PLA2G4A: variants seen among roughly 807,000 people sequenced by gnomAD.
PLA2G4A encodes phospholipase A2 group IVA.
A neutral mutation model predicts 81.9 loss-of-function variants in PLA2G4A; 40 were observed. That is an observed-to-expected ratio of 0.49 (90% confidence interval 0.38 to 0.64). The LOEUF (loss-of-function observed/expected upper bound fraction) is 0.64, where lower values mean the gene tolerates loss of function less well. Ranked by LOEUF, PLA2G4A falls within the 30% of genes least tolerant of loss-of-function variation. PLA2G4A has a pLI of 0.00. For synonymous variants in PLA2G4A, 302 were observed against 296.9 expected (o/e 1.02, Z -0.18); for missense variants, 715 against 905.1 (o/e 0.79, Z 2.69).
chr1:186,904,635 T>C (rs1490069748), intron 5 of PLA2G4A, among the ~76,000 whole-genome samples: 1 of 152,210 alleles, frequency 6.6e-6, no homozygotes, highest in Admixed American at 6.5e-5. Context: ...GCCTGTAACA[T>C]TCAAAATGGC....
chr1:186,934,527 T>G (rs1206111441), intron 8 of PLA2G4A, among the ~76,000 whole-genome samples: 3 of 148,822 alleles, frequency 2.0e-5, no homozygotes, highest in Non-Finnish European at 4.5e-5. Context: ...TACAGAGAGA[T>G]TAATTAAAAG....
intron 4 of PLA2G4A, among the ~76,000 whole-genome samples, 177 bp from the exon 5 acceptor site, chr1:186,893,918 CAAA>C (rs35114616): frequency 2.5e-4 from 29 of 118,222 alleles, no homozygotes; most frequent in South Asian, 2.7e-4. Context: ...GACCCTGTCT[CAAA>C]AAAAAAAAAA....
At chr1:186,890,298 T>C (rs1220367135) in intron 3 of PLA2G4A, among the ~76,000 whole-genome samples, 1 of 152,188 alleles carries the variant, frequency 6.6e-6, no homozygotes, top group Non-Finnish European at 1.5e-5. Context: ...AAGTTGTTTA[T>C]AGTCTTGTAG....
chr1:186,935,102 G>A (rs759729509), intron 8 of PLA2G4A, among the ~76,000 whole-genome samples: 2 of 151,952 alleles, frequency 1.3e-5, no homozygotes, highest in Non-Finnish European at 1.5e-5. Flanking sequence ...GTAAAAGATG[G>A]TATCTAGAGG....
At chr1:186,876,718 G>T (rs918341442) in intron 3 of PLA2G4A, among the ~76,000 whole-genome samples, 1 of 152,072 alleles carries the variant, frequency 6.6e-6, no homozygotes. Context: ...GCTGTTCTCC[G>T]GGTGATGGTG....
chr1:186,894,518 A>G lies in PLA2G4A; in HGVS notation c.378+307A>G, dbSNP rs897729971. 2.2e-4 allele frequency among the ~76,000 whole-genome samples: 33 copies of G among 152,168 alleles called. 1 individual carries two copies. The highest frequency in any genetic ancestry group is 7.2e-4 in the African/African-American group (30 of 41,438). On this transcript the variant is annotated intron_variant, in intron 5 of 17. Transcript: ENST00000367466. ...CTAATGGCAAAATTTAATACAAAAA[A>G]TTGGGGAGGATAAAAAGACATGCAA...
chr1:186,953,996 G>A (rs1018164083), intron 13 of PLA2G4A, among the ~76,000 whole-genome samples: 29 of 152,288 alleles, frequency 1.9e-4, no homozygotes, highest in African/African-American at 6.5e-4. Context: ...TGTAAGAGTA[G>A]AAAGTAGTGT....
chr1:186,849,485 A>G (rs1053670002), intron 1 of PLA2G4A, among the ~76,000 whole-genome samples: 6 of 152,110 alleles, frequency 3.9e-5, no homozygotes, highest in Admixed American at 2.0e-4. Context: ...AGCTAGGTAA[A>G]CAGTAGTTGC....
intron 7 of PLA2G4A, among the ~76,000 whole-genome samples, chr1:186,913,922 C>T (rs966843195): frequency 2.0e-5 from 3 of 152,106 alleles, no homozygotes; most frequent in Non-Finnish European, 2.9e-5. Flanking sequence ...GGTTCAAAAG[C>T]CAACCTACTG....
At chr1:186,918,728 G>C (rs1007901961) in intron 7 of PLA2G4A, among the ~76,000 whole-genome samples, 6 of 152,240 alleles carry the variant, frequency 3.9e-5, no homozygotes, top group Non-Finnish European at 8.8e-5. Context: ...ACTGGGAGCA[G>C]GGTGGTGGGA....
At chr1:186,862,596 C>G (rs6685652) in intron 2 of PLA2G4A, among the ~76,000 whole-genome samples, 1 of 151,984 alleles carries the variant, frequency 6.6e-6, no homozygotes, top group Non-Finnish European at 1.5e-5. Context: ...GATAAAATAT[C>G]TAAAATAGTA....
At chr1:186,984,665 C>T (rs537526640) in intron 17 of PLA2G4A, among the ~76,000 whole-genome samples, 77 of 152,050 alleles carry the variant, frequency 5.1e-4, no homozygotes, top group Non-Finnish European at 9.1e-4. Flanking sequence ...AATTTATAAG[C>T]TTACTATTAT....
At chr1:186,844,112 A>G (rs1652084192) in intron 1 of PLA2G4A, among the ~76,000 whole-genome samples, 1 of 152,196 alleles carries the variant, frequency 6.6e-6, no homozygotes, top group African/African-American at 2.4e-5. Context: ...AGAAACAGAC[A>G]TAGTTAATTA....
chr1:186,988,450 G>A lies in PLA2G4A; in HGVS notation c.2192G>A (p.Ser731Asn). 1 of 1,611,648 alleles carries A rather than the reference G, an allele frequency of 6.2e-7. No individual in the cohort carries two copies. The highest frequency in any genetic ancestry group is 8.5e-7 in the Non-Finnish European group (1 of 1,177,910). The change falls in exon 18 of 18, where the codon AGT becomes AAT. Residue 731 changes from serine to asparagine, a missense_variant. Ser to Asn is a conservative substitution (Grantham distance 46). Transcript: ENST00000367466. ...CCATCTCGTTGCTCTGTTTCCCTTA[G>A]TAATGTTGAGGCAAGAAGATTTTTC... ...QNPSRCSVSLSNVEARRFFNK... is the reference protein window; with the variant it reads ...QNPSRCSVSLNNVEARRFFNK...
intron 6 of PLA2G4A, 78 bp from the exon 7 acceptor site, chr1:186,911,170 G>C: frequency 8.5e-7 from 1 of 1,177,436 alleles, no homozygotes; most frequent in East Asian, 2.3e-5. Flanking sequence ...AGCTCCTAGG[G>C]ACCTGGAAAA....
chr1:186,910,145 T>A (rs6672324), intron 6 of PLA2G4A, among the ~76,000 whole-genome samples: 84,923 of 152,010 alleles, frequency 0.56, 25,158 homozygotes, highest in African/African-American at 0.76. Flanking sequence ...GAAGTAGTAA[T>A]TAAACTATTA....
intron 7 of PLA2G4A, among the ~76,000 whole-genome samples, chr1:186,918,998 C>T (rs1411041914): frequency 6.6e-6 from 1 of 152,192 alleles, no homozygotes; most frequent in Non-Finnish European, 1.5e-5. Flanking sequence ...AGAGATAGGC[C>T]ACTGGCCTTG....
chr1:186,912,794 A>G (rs28878026), intron 7 of PLA2G4A, among the ~76,000 whole-genome samples: 60 of 136,014 alleles, frequency 4.4e-4, no homozygotes, highest in African/African-American at 1.6e-3. Context: ...TTATATATAT[A>G]TGTATATATA....
intron 7 of PLA2G4A, among the ~76,000 whole-genome samples, chr1:186,927,853 TC>T (rs1655604757): frequency 6.6e-6 from 1 of 152,190 alleles, no homozygotes; most frequent in Non-Finnish European, 1.5e-5. Flanking sequence ...AATAAGCATT[TC>T]CATTCCTATG....
Sources: allele counts gnomAD v4.1 joint callset (sites outside exome capture counted in the v4.1 genomes callset), GRCh38; gene constraint gnomAD v4.1.1; transcripts MANE v1.5; gene names NCBI Gene and HGNC (gene_info 2026-07-23, HGNC 2026-07-21).